The following CNTNAP2 variants were observed in gnomAD, a reference collection of about 807,000 sequenced individuals.
The protein encoded by CNTNAP2 is contactin-associated protein-like 2.
CNTNAP2 carries 98 observed loss-of-function variants against 155.2 expected under a neutral mutation model. The observed-to-expected ratio is 0.63, with a 90% CI of 0.54 to 0.75. The LOEUF is 0.75. CNTNAP2 is among the 30% of genes least tolerant of loss of function. The probability of loss-of-function intolerance (pLI) is 0.00; values close to 1 mark genes in which losing one functional copy is unlikely to be tolerated. For missense variants in CNTNAP2, 1,727 were observed against 1,688.1 expected, an observed-to-expected ratio of 1.02 and a Z score of -0.40; for synonymous variants, 651 against 631.2, an observed-to-expected ratio of 1.03 and a Z score of -0.47.
chr7:146,501,687 C>T (rs1020133033), intron 1 of CNTNAP2, among the ~76,000 whole-genome samples: 1 of 151,940 alleles, frequency 6.6e-6, no homozygotes, highest in African/African-American at 2.4e-5. Context: ...CACCCAGAAC[C>T]TGTGACTGTG....
intron 3 of CNTNAP2, among the ~76,000 whole-genome samples, chr7:146,901,030 G>A (rs1023653092): frequency 4.7e-5 from 7 of 149,574 alleles, no homozygotes; most frequent in East Asian, 1.9e-4. Context: ...GATTAAAGTA[G>A]TAATAATAAT....
chr7:147,728,435 A>T lies in CNTNAP2; in HGVS notation c.2098+89129A>T, dbSNP rs369039016. ...CTTAAAGTTGTGAAGAGAAAAACTGAAACCTATTTTCTCCTCTTGGTTACC... is the reference window on the plus strand; with the variant it reads ...CTTAAAGTTGTGAAGAGAAAAACTGTAACCTATTTTCTCCTCTTGGTTACC... On this transcript the variant is annotated intron_variant, in intron 13 of 23. Transcript: ENST00000361727. Among the ~76,000 whole-genome samples the T allele has an allele frequency of 6.4e-4, 98 of 152,220 alleles. 2 individuals are homozygous for T. The East Asian group carries it at 0.014, about 21-fold the overall frequency.
intron 13 of CNTNAP2, among the ~76,000 whole-genome samples, chr7:147,777,615 G>A (rs750300041): frequency 6.6e-6 from 1 of 152,106 alleles, no homozygotes; most frequent in Non-Finnish European, 1.5e-5. Context: ...CTTTCTAAGT[G>A]GCAGGAATAA....
chr7:147,864,109 A>G (rs79503173), intron 13 of CNTNAP2, among the ~76,000 whole-genome samples: 106,635 of 151,592 alleles, frequency 0.7, 37,725 homozygotes, highest in Middle Eastern at 0.8. Context: ...TTTGTATATG[A>G]TGTAAAGAAA....
Position 148,158,233 on chromosome 7 carries a change from T to C in CNTNAP2, c.2773+10524T>C, listed in dbSNP as rs1412544230. Among the ~76,000 whole-genome samples, 2 of 136,558 alleles carry C rather than the reference T, an allele frequency of 1.5e-5. 1 individual carries two copies. Among genetic ancestry groups the C allele is most frequent in the Non-Finnish European group, 3.1e-5 (2 of 65,544 alleles). The allele number at this position is 136,558 out of a possible 152,430, so 89.6% of individuals were successfully genotyped here. A position where few individuals can be genotyped will look rare whatever the true frequency, so the allele number is the denominator to read the frequency against. On this transcript the variant is annotated intron_variant, in intron 17 of 23. Coordinates refer to ENST00000361727, the MANE Select transcript of CNTNAP2 (RefSeq NM_014141.6). ...GTACAATGTTTGCGCTTTTTTTTTT[T>C]TTTTTTTTGAGACAGAGTCTCCCTC...
intron 1 of CNTNAP2, among the ~76,000 whole-genome samples, chr7:146,722,375 A>G (rs1801353718): frequency 6.6e-6 from 1 of 152,160 alleles, no homozygotes; most frequent in Non-Finnish European, 1.5e-5. Context: ...AATGCAGGCA[A>G]TTAGTAATTA....
chr7:146,424,418 T>A (rs961037164), intron 1 of CNTNAP2, among the ~76,000 whole-genome samples: 3 of 152,180 alleles, frequency 2.0e-5, no homozygotes, highest in Non-Finnish European at 4.4e-5. Context: ...CGGGACACAC[T>A]TAATTCCTCC....
intron 21 of CNTNAP2, among the ~76,000 whole-genome samples, chr7:148,364,934 G>C (rs1798709124): frequency 6.6e-6 from 1 of 152,184 alleles, no homozygotes; most frequent in African/African-American, 2.4e-5. Flanking sequence ...AAGGTCTGCA[G>C]CTTCACTCCT....
intron 15 of CNTNAP2, among the ~76,000 whole-genome samples, chr7:148,116,010 G>A (rs1308177750): frequency 6.6e-6 from 1 of 151,852 alleles, no homozygotes; most frequent in Non-Finnish European, 1.5e-5. Context: ...ATGGTGGTGT[G>A]TGCCTGTAAT....
At chr7:147,829,227 T>A (rs1432512151) in intron 13 of CNTNAP2, among the ~76,000 whole-genome samples, 1 of 152,046 alleles carries the variant, frequency 6.6e-6, no homozygotes, top group Non-Finnish European at 1.5e-5. Flanking sequence ...ACAGATGGGG[T>A]TGAGCAGCAG....
intron 8 of CNTNAP2, among the ~76,000 whole-genome samples, chr7:147,223,827 G>A (rs984947688): frequency 2.6e-5 from 4 of 151,500 alleles, no homozygotes; most frequent in African/African-American, 9.7e-5. Flanking sequence ...TGTAGTCCTA[G>A]CTACTTGGGA....
chr7:146,616,845 A>C (rs768319966), intron 1 of CNTNAP2, among the ~76,000 whole-genome samples: 6 of 152,186 alleles, frequency 3.9e-5, no homozygotes, highest in Non-Finnish European at 2.9e-5. Flanking sequence ...TCTCTACACA[A>C]TTATCTCTTA....
At chr7:147,872,109 G>A (rs1361296664) in intron 13 of CNTNAP2, among the ~76,000 whole-genome samples, 1 of 152,198 alleles carries the variant, frequency 6.6e-6, no homozygotes, top group Non-Finnish European at 1.5e-5. Flanking sequence ...GCCCTGTGGA[G>A]AAAGAGAAAC....
intron 9 of CNTNAP2, among the ~76,000 whole-genome samples, chr7:147,351,421 TGAAAG>T (rs1795966691): frequency 6.6e-6 from 1 of 151,662 alleles, no homozygotes; most frequent in African/African-American, 2.4e-5. Flanking sequence ...TAGGAAGGAA[TGAAAG>T]GAGAGAAAAA....
At chr7:146,985,018 T>C (rs1798090623) in intron 3 of CNTNAP2, among the ~76,000 whole-genome samples, 1 of 152,216 alleles carries the variant, frequency 6.6e-6, no homozygotes, top group Admixed American at 6.5e-5. Flanking sequence ...AATTAACCTT[T>C]TGTCACAAAA....
At chr7:146,840,000 A>G in intron 3 of CNTNAP2, 96 bp downstream of exon 3, 1 of 1,364,440 alleles carries the variant, frequency 7.3e-7, no homozygotes, top group African/African-American at 1.4e-5. Flanking sequence ...ATCAATATTT[A>G]TGTATTCAAA....
intron 1 of CNTNAP2, among the ~76,000 whole-genome samples, chr7:146,389,617 A>G (rs116304118): frequency 0.04 from 5,873 of 146,310 alleles, 414 homozygotes; most frequent in African/African-American, 0.14. Context: ...CAGCTGTTCT[A>G]TTTTTATACA....
chr7:147,559,468 T>C (rs1267894311), intron 11 of CNTNAP2, among the ~76,000 whole-genome samples: 1 of 152,178 alleles, frequency 6.6e-6, no homozygotes, highest in Non-Finnish European at 1.5e-5. Flanking sequence ...TAGAAGAACA[T>C]TGGTTAAAAA....
chr7:146,188,063 A>T (rs1276591021), intron 1 of CNTNAP2, among the ~76,000 whole-genome samples: 2 of 152,312 alleles, frequency 1.3e-5, no homozygotes, highest in Non-Finnish European at 2.9e-5. Context: ...TGGATAAATT[A>T]AAACATATCA....
Sources: gnomAD v4.1 joint callset for allele counts (sites outside exome capture counted in the v4.1 genomes callset) on GRCh38, gnomAD v4.1.1 for gene constraint, MANE v1.5 for transcripts, NCBI Gene and HGNC (gene_info 2026-07-23, HGNC 2026-07-21) for gene names.